DIAPH2: variants seen among roughly 807,000 people sequenced by gnomAD.
DIAPH2 encodes the protein diaphanous related formin 2.
Under a neutral mutation model 92.7 loss-of-function variants are expected in DIAPH2, and 35 were observed. The ratio of observed to expected loss-of-function variants is 0.38; its 90% CI spans 0.29 to 0.50. The LOEUF is 0.50. Ranked by LOEUF, DIAPH2 falls within the 20% of genes least tolerant of loss-of-function variation. The probability of loss-of-function intolerance (pLI) is 0.94; values close to 1 mark genes in which losing one functional copy is unlikely to be tolerated. For missense variants in DIAPH2, 701 were observed against 819.5 expected, an observed-to-expected ratio of 0.86 and a Z score of 1.77; for synonymous variants, 301 against 280.4, an observed-to-expected ratio of 1.07 and a Z score of -0.73.
intron 26 of DIAPH2, among the ~76,000 whole-genome samples, chrX:97,516,249 C>T (rs753386306): frequency 3.7e-5 from 4 of 108,191 alleles, no homozygotes; most frequent in Non-Finnish European, 7.7e-5. Flanking sequence ...AGCGAGACAC[C>T]ATCTCAAAAA....
chrX:97,130,414 C>T (rs2067130235), intron 21 of DIAPH2, among the ~76,000 whole-genome samples: 1 of 111,656 alleles, frequency 9.0e-6, no homozygotes, highest in Non-Finnish European at 1.9e-5. Context: ...GAATACTGTT[C>T]AGCCTTTAAA....
intron 26 of DIAPH2, among the ~76,000 whole-genome samples, chrX:97,530,087 G>A (rs1466323170): frequency 6.2e-5 from 7 of 112,175 alleles, no homozygotes; most frequent in Non-Finnish European, 1.9e-5. Flanking sequence ...AGAAGTTCCA[G>A]CTATCTTATA....
At chrX:96,787,851 C>A (rs2064469696) in intron 4 of DIAPH2, among the ~76,000 whole-genome samples, 1 of 102,597 alleles carries the variant, frequency 9.7e-6, no homozygotes, top group Non-Finnish European at 2.0e-5. Flanking sequence ...CCACTACGCC[C>A]AGCTAATTTT....
At chrX:97,141,827 C>T (rs2147409860) in intron 22 of DIAPH2, 33 bp downstream of exon 22, 4 of 1,173,082 alleles carry the variant, frequency 3.4e-6, no homozygotes, top group Non-Finnish European at 4.6e-6. Context: ...GAGATTATCT[C>T]TTGCCTATAT....
At position 97,204,120 on chromosome X, in the gene DIAPH2, C is replaced by T. The variant is rs146883426; in HGVS notation, c.2720-43595C>T. On this transcript the variant is annotated intron_variant, in intron 22 of 26. Coordinates refer to ENST00000324765, the MANE Select transcript of DIAPH2 (RefSeq NM_006729.5). ...AGAAAAGGCCTTCAATAAAATTCAA[C>T]GTCATTTCATGTTAAAAACTCTCAA... Among the ~76,000 whole-genome samples the T allele has an allele frequency of 5.8e-3, 649 of 112,078 alleles. 6 individuals carry two copies. Among genetic ancestry groups the T allele is most frequent in the African/African-American group, 0.019 (600 of 30,907 alleles).
chrX:97,180,178 A>G (rs2067527604), intron 22 of DIAPH2, among the ~76,000 whole-genome samples: 1 of 112,333 alleles, frequency 8.9e-6, no homozygotes, highest in Non-Finnish European at 1.9e-5. Flanking sequence ...ATTCCCACCA[A>G]CAGTGTAAAA....
intron 22 of DIAPH2, among the ~76,000 whole-genome samples, chrX:97,183,355 T>C (rs1436299068): frequency 9.0e-6 from 1 of 111,609 alleles, no homozygotes; most frequent in Non-Finnish European, 1.9e-5. Context: ...TTGGAGACAC[T>C]TAACAAGTGG....
chrX:97,549,931 TAAGA>T (rs1211585814), intron 26 of DIAPH2, among the ~76,000 whole-genome samples: 1 of 112,833 alleles, frequency 8.9e-6, no homozygotes, highest in Non-Finnish European at 1.9e-5. Flanking sequence ...TAATTTTCTC[TAAGA>T]AAGAGCAACA....
chrX:97,483,285 A>G (rs2070663888), intron 26 of DIAPH2, among the ~76,000 whole-genome samples: 1 of 111,105 alleles, frequency 9.0e-6, no homozygotes, highest in African/African-American at 3.3e-5. Context: ...TCCTTGAAGC[A>G]ATAGGTAATA....
chrX:96,984,945 A>T (rs1344420069), intron 17 of DIAPH2, among the ~76,000 whole-genome samples: 1 of 111,473 alleles, frequency 9.0e-6, no homozygotes, highest in Non-Finnish European at 1.9e-5. Flanking sequence ...GTTATCTTCA[A>T]TTATATAGGG....
chrX:97,478,832 C>A (rs1303000089), intron 26 of DIAPH2, among the ~76,000 whole-genome samples: 1 of 111,386 alleles, frequency 9.0e-6, no homozygotes, highest in Non-Finnish European at 1.9e-5. Flanking sequence ...TTTTCAGTTT[C>A]TTTGTTGTTC....
At chrX:97,488,204 G>T (rs978231549) in intron 26 of DIAPH2, among the ~76,000 whole-genome samples, 16 of 111,424 alleles carry the variant, frequency 1.4e-4, no homozygotes, top group Non-Finnish European at 2.3e-4. Flanking sequence ...TGTTGGTCAG[G>T]CTGGTCTTGA....
chrX:97,355,593 C>A (rs981779593), intron 24 of DIAPH2, among the ~76,000 whole-genome samples: 5 of 111,119 alleles, frequency 4.5e-5, no homozygotes, highest in African/African-American at 1.6e-4. Context: ...TGGTAATATT[C>A]TGAAAACAAC....
At chrX:97,340,664 T>C (rs1230416320) in intron 23 of DIAPH2, among the ~76,000 whole-genome samples, 1 of 106,816 alleles carries the variant, frequency 9.4e-6, no homozygotes, top group Non-Finnish European at 1.9e-5. Context: ...TTTTGTTTTT[T>C]TTTTTTTTTG....
intron 17 of DIAPH2, among the ~76,000 whole-genome samples, chrX:97,034,493 C>T (rs1193765716): frequency 9.6e-6 from 1 of 104,185 alleles, no homozygotes; most frequent in Non-Finnish European, 2.0e-5. Flanking sequence ...TGGGATTGTA[C>T]AGAACTCATT....
chrX:97,589,542 T>C (rs763325356), intron 26 of DIAPH2, among the ~76,000 whole-genome samples: 11 of 111,209 alleles, frequency 9.9e-5, no homozygotes, highest in Non-Finnish European at 1.9e-4. Context: ...ATTGACTGCA[T>C]AGTATCCCAA....
chrX:97,401,149 T>TTGAAGAAGCTCTTGC (rs1194208503), intron 25 of DIAPH2, among the ~76,000 whole-genome samples: 1 of 110,998 alleles, frequency 9.0e-6, no homozygotes, highest in East Asian at 2.8e-4. Flanking sequence ...GCAGAGCTTC[T>TTGAAGAAGCTCTTGC]TCAGGAACTT....
intron 26 of DIAPH2, among the ~76,000 whole-genome samples, chrX:97,434,011 A>C (rs1475674579): frequency 8.9e-6 from 1 of 112,051 alleles, no homozygotes; most frequent in Non-Finnish European, 1.9e-5. Context: ...TGGGCATTTT[A>C]GTCAAAAGAA....
chrX:97,138,407 C>T (rs749227484), intron 21 of DIAPH2, among the ~76,000 whole-genome samples: 3 of 111,484 alleles, frequency 2.7e-5, no homozygotes, highest in African/African-American at 9.8e-5. Flanking sequence ...TGTAGAAACA[C>T]GTGTCCTATT....
Sources: gnomAD v4.1 joint callset for allele counts (sites outside exome capture counted in the v4.1 genomes callset) on GRCh38, gnomAD v4.1.1 for gene constraint, MANE v1.5 for transcripts, NCBI Gene and HGNC (gene_info 2026-07-23, HGNC 2026-07-21) for gene names.